The following TRPM6 variants were observed in gnomAD, a reference collection of about 807,000 sequenced individuals.
The protein encoded by TRPM6 is transient receptor potential cation channel subfamily M member 6.
TRPM6 carries 111 observed loss-of-function variants against 247.6 expected under a neutral mutation model. The ratio of observed to expected loss-of-function variants is 0.45; its 90% CI spans 0.38 to 0.52. TRPM6 has a LOEUF of 0.52. TRPM6 is among the 20% of genes least tolerant of loss of function. TRPM6 has a pLI of 0.00. For missense variants in TRPM6, 2,126 were observed against 2,421.5 expected (o/e 0.88, Z 2.56); for synonymous variants, 892 against 853.8 (o/e 1.04, Z -0.78).
chr9:74,724,468 G>A lies in TRPM6; in HGVS notation c.*145C>T. The A allele has an allele frequency of 8.6e-7, 1 of 1,159,140 alleles. No homozygotes were observed. Among genetic ancestry groups the A allele is most frequent in the Admixed American group, 1.9e-5 (1 of 53,470 alleles). The allele number at this position is 1,159,140 out of a possible 1,614,324, so 71.8% of individuals were successfully genotyped here. ...GAACCCATTGATCATATACCAATGA[G>A]GCCTTTGAACAGAAGGAGATGTGAG... On this transcript the variant is annotated 3_prime_UTR_variant, in exon 39 of 39. Coordinates refer to ENST00000360774, the MANE Select transcript of TRPM6 (RefSeq NM_017662.5).
chr9:74,855,203 A>C (rs974067945), intron 3 of TRPM6, among the ~76,000 whole-genome samples: 6 of 152,244 alleles, frequency 3.9e-5, no homozygotes, highest in African/African-American at 1.4e-4. Context: ...CAATTCATAC[A>C]TCAATTACAG....
intron 1 of TRPM6, among the ~76,000 whole-genome samples, chr9:74,884,193 A>G (rs1197046849): frequency 6.6e-6 from 1 of 151,974 alleles, no homozygotes; most frequent in Non-Finnish European, 1.5e-5. Flanking sequence ...AATCAAAATA[A>G]TAAATACATA....
intron 31 of TRPM6, 110 bp from the exon 32 acceptor site, chr9:74,744,255 T>G: frequency 8.3e-7 from 1 of 1,199,230 alleles, no homozygotes; most frequent in Non-Finnish European, 1.2e-6. Flanking sequence ...CAGAATGGCT[T>G]CTCAGTATTC....
chr9:74,792,366 C>T (rs980405336), intron 19 of TRPM6, among the ~76,000 whole-genome samples: 17 of 152,166 alleles, frequency 1.1e-4, no homozygotes, highest in Non-Finnish European at 1.9e-4. Context: ...GATCTTCCCA[C>T]AATAACAGTG....
At chr9:74,786,160 G>A in intron 20 of TRPM6, 35 bp from the exon 21 acceptor site, 1 of 1,612,412 alleles carries the variant, frequency 6.2e-7, no homozygotes, top group South Asian at 1.1e-5. Flanking sequence ...TAAAAAGGAG[G>A]TACAACCAAA....
chr9:74,828,008 T>C (rs866002256), intron 6 of TRPM6, 59 bp from the exon 7 acceptor site: 2 of 1,550,726 alleles, frequency 1.3e-6, no homozygotes, highest in South Asian at 1.1e-5. Context: ...CAGGCTCACC[T>C]GCTCCAAAGG....
In TRPM6 at chr9:74,866,565, T is replaced by G. The variant is rs1440572484; in HGVS notation, c.34-7817A>C. Among the ~76,000 whole-genome samples, 4 of 152,112 alleles carry G rather than the reference T, an allele frequency of 2.6e-5. No individual in the cohort carries two copies. In the East Asian group the frequency reaches 7.7e-4, roughly 29 times the overall value. On this transcript the variant is annotated intron_variant, in intron 1 of 38. Coordinates refer to ENST00000360774, the MANE Select transcript of TRPM6 (RefSeq NM_017662.5). ...GGCGTGATCTCGGCTCACTGCAACC[T>G]CAACCTCCCAGATTCAAGCGATTCT...
chr9:74,760,455 C>T (rs1826585318), intron 27 of TRPM6, among the ~76,000 whole-genome samples: 1 of 152,126 alleles, frequency 6.6e-6, no homozygotes, highest in Non-Finnish European at 1.5e-5. Flanking sequence ...GTTAGACCAT[C>T]TAGGTTTGTG....
chr9:74,822,231 A>G (rs1829155093), intron 7 of TRPM6, among the ~76,000 whole-genome samples: 1 of 152,190 alleles, frequency 6.6e-6, no homozygotes, highest in African/African-American at 2.4e-5. Context: ...CCAGTTCAAC[A>G]AACATTTTAA....
chr9:74,769,190 G>A (rs1049624361), intron 25 of TRPM6, among the ~76,000 whole-genome samples: 1 of 152,142 alleles, frequency 6.6e-6, no homozygotes. Context: ...CTCTTGCCCA[G>A]GCTGGAGTGC....
chr9:74,750,193 G>A (rs1347117127), intron 30 of TRPM6, among the ~76,000 whole-genome samples: 2 of 152,038 alleles, frequency 1.3e-5, no homozygotes, highest in Middle Eastern at 3.2e-3. Flanking sequence ...TGATTAGCAT[G>A]CTACTGAGAA....
chr9:74,762,331 T>C lies in TRPM6; in HGVS notation c.4340A>G (p.Gln1447Arg), dbSNP rs1826673558. 1 of 1,614,142 alleles carries C rather than the reference T, an allele frequency of 6.2e-7. No homozygotes were observed. Among genetic ancestry groups the C allele is most frequent in the Non-Finnish European group, 8.5e-7 (1 of 1,180,058 alleles). ...CCAGTTTACATATCCACCTCCAGTT[T>C]GCATGATCTTGGCTTGGGAAAGAGG... ...SSPLSQAKIM[Q>R]TGGGYVNWAF... The change falls in exon 26 of 39, where the codon CAA (glutamine) becomes CGA (arginine). Residue 1447 changes from glutamine (Q) to arginine (R), a missense_variant. By Grantham distance (43) the Gln-to-Arg change is conservative. Transcript: ENST00000360774.
chr9:74,793,075 G>A (rs965806135), intron 18 of TRPM6, among the ~76,000 whole-genome samples: 43 of 152,066 alleles, frequency 2.8e-4, no homozygotes, highest in Admixed American at 3.9e-4. Flanking sequence ...AGAATCGCTT[G>A]AACCCGGGAG....
chr9:74,784,595 A>G (rs1827581550), intron 21 of TRPM6, among the ~76,000 whole-genome samples: 1 of 152,206 alleles, frequency 6.6e-6, no homozygotes, highest in African/African-American at 2.4e-5. Flanking sequence ...TTAGCAGAAA[A>G]TATCATTGGT....
chr9:74,879,051 G>A (rs1012583999), intron 1 of TRPM6, among the ~76,000 whole-genome samples: 2 of 151,790 alleles, frequency 1.3e-5, no homozygotes, highest in African/African-American at 4.8e-5. Flanking sequence ...TGAGATACAA[G>A]AGAACTTGAA....
At chr9:74,886,396 A>T (rs184493613) in intron 1 of TRPM6, among the ~76,000 whole-genome samples, 17 of 152,362 alleles carry the variant, frequency 1.1e-4, no homozygotes, top group African/African-American at 4.1e-4. Flanking sequence ...AGGGGGAAAG[A>T]AATTGAATAA....
intron 4 of TRPM6, among the ~76,000 whole-genome samples, chr9:74,840,585 T>C (rs6560412): frequency 0.59 from 89,965 of 151,870 alleles, 26,986 homozygotes; most frequent in East Asian, 0.8. Flanking sequence ...GAGGCCGAGG[T>C]GGGCGGAACA....
intron 1 of TRPM6, among the ~76,000 whole-genome samples, chr9:74,877,883 C>T (rs73536158): frequency 0.021 from 3,233 of 152,238 alleles, 134 homozygotes; most frequent in African/African-American, 0.075. Flanking sequence ...TGGGGATCAC[C>T]TCACCCCTCC....
chr9:74,810,334 T>C (rs1828686342), intron 13 of TRPM6, among the ~76,000 whole-genome samples: 1 of 151,920 alleles, frequency 6.6e-6, no homozygotes, highest in Admixed American at 6.6e-5. Flanking sequence ...TGACCAAGAG[T>C]ATAGAACAGG....
Sources: gnomAD v4.1 joint callset for allele counts (sites outside exome capture counted in the v4.1 genomes callset) on GRCh38, gnomAD v4.1.1 for gene constraint, MANE v1.5 for transcripts, NCBI Gene and HGNC (gene_info 2026-07-23, HGNC 2026-07-21) for gene names.